Variants in OSBPL10 observed in about 807,000 individuals in gnomAD.
OSBPL10 encodes the protein oxysterol-binding protein-related protein 10.
Under a neutral mutation model 81.7 loss-of-function variants are expected in OSBPL10, and 49 were observed. The ratio of observed to expected loss-of-function variants is 0.60; its 90% CI spans 0.48 to 0.76. The LOEUF is 0.76. Among genes scored for constraint, OSBPL10 ranks in the 30% least tolerant of loss-of-function variants. The pLI is 0.00. For missense variants in OSBPL10, 923 were observed against 987.8 expected, an observed-to-expected ratio of 0.93 and a Z score of 0.88; for synonymous variants, 419 against 383.6, an observed-to-expected ratio of 1.09 and a Z score of -1.08.
intron 8 of OSBPL10, among the ~76,000 whole-genome samples, chr3:31,680,987 A>G (rs1345187672): frequency 7.0e-6 from 1 of 143,022 alleles, no homozygotes; most frequent in Non-Finnish European, 1.5e-5. Context: ...AGAGGAGGAT[A>G]ATACTCATTA....
intron 3 of OSBPL10, among the ~76,000 whole-genome samples, chr3:31,852,408 C>G (rs114110286): frequency 0.014 from 2,197 of 152,136 alleles, 44 homozygotes; most frequent in African/African-American, 0.05. Flanking sequence ...TATTATCCAG[C>G]CAAAAATGTC....
At chr3:31,695,489 T>A (rs1695690083) in intron 7 of OSBPL10, among the ~76,000 whole-genome samples, 1 of 152,128 alleles carries the variant, frequency 6.6e-6, no homozygotes, top group Non-Finnish European at 1.5e-5. Flanking sequence ...ACTCCCAGTA[T>A]AGAGTCCCTG....
intron 1 of OSBPL10, among the ~76,000 whole-genome samples, chr3:32,067,788 C>CGT (rs1024176888): frequency 1.3e-5 from 2 of 152,306 alleles, no homozygotes; most frequent in Non-Finnish European, 2.9e-5. Flanking sequence ...TATCCTGAAA[C>CGT]GTATGAGAAC....
rs548940522 is a variant in OSBPL10 at position 32,013,303 on chromosome 3, T to C, written n.298+33188A>G. 2.6e-3 allele frequency among the ~76,000 whole-genome samples: 398 copies of C among 152,104 alleles called. 2 individuals carry two copies. Among genetic ancestry groups the C allele is most frequent in the African/African-American group, 8.9e-3 (370 of 41,518 alleles). ...GGATTAAGAAACTCACTCAAAACCATTCAACTACATGGAAACTGAACAACC... is the reference window on the plus strand; with the variant it reads ...GGATTAAGAAACTCACTCAAAACCACTCAACTACATGGAAACTGAACAACC... On this transcript the variant is annotated intron_variant and non_coding_transcript_variant, in intron 2 of 3. Transcript: ENST00000479173.
chr3:31,688,542 T>C (rs1328899070), intron 7 of OSBPL10, among the ~76,000 whole-genome samples: 1 of 152,158 alleles, frequency 6.6e-6, no homozygotes, highest in Non-Finnish European at 1.5e-5. Context: ...TCTTAGTGGA[T>C]AGACACCTGA....
chr3:31,703,833 G>C (rs1002868029), intron 6 of OSBPL10: 6 of 152,202 alleles, frequency 3.9e-5, no homozygotes, highest in Non-Finnish European at 8.8e-5. Context: ...CAAAAGCTGA[G>C]TTTTCTTTTA....
chr3:31,934,820 T>A (rs1328053035), intron 1 of OSBPL10, among the ~76,000 whole-genome samples: 1 of 152,200 alleles, frequency 6.6e-6, no homozygotes, highest in Non-Finnish European at 1.5e-5. Flanking sequence ...CTGCTTACTA[T>A]ATATCACCCT....
chr3:31,842,664 T>C (rs1700527851), intron 3 of OSBPL10, among the ~76,000 whole-genome samples: 1 of 152,136 alleles, frequency 6.6e-6, no homozygotes, highest in South Asian at 2.1e-4. Context: ...TTTCTTCCTG[T>C]CCCCAGAGAC....
At chr3:31,922,496 T>A (rs969364645) in intron 1 of OSBPL10, among the ~76,000 whole-genome samples, 2 of 152,086 alleles carry the variant, frequency 1.3e-5, no homozygotes, top group African/African-American at 4.8e-5. Flanking sequence ...AGCGTGCTTG[T>A]AATCCCAGTT....
intron 1 of OSBPL10, among the ~76,000 whole-genome samples, chr3:31,907,354 C>T (rs1167679562): frequency 6.6e-6 from 1 of 151,988 alleles, no homozygotes; most frequent in Non-Finnish European, 1.5e-5. Flanking sequence ...TCTAGCTGGG[C>T]ACGGTGACTC....
intron 2 of OSBPL10, chr3:32,030,364 C>A (rs1485746993): frequency 3.6e-6 from 2 of 556,270 alleles, no homozygotes; most frequent in African/African-American, 3.8e-5. Flanking sequence ...CCACAAGAGG[C>A]ACCATGGCTA....
intron 6 of OSBPL10, among the ~76,000 whole-genome samples, chr3:31,717,742 C>T (rs1696491910): frequency 6.6e-6 from 1 of 152,196 alleles, no homozygotes; most frequent in Non-Finnish European, 1.5e-5. Context: ...TGAAATGATA[C>T]TCAGGATGTA....
intron 2 of OSBPL10, among the ~76,000 whole-genome samples, chr3:32,019,214 T>A (rs1183319916): frequency 6.6e-6 from 1 of 151,846 alleles, no homozygotes; most frequent in Non-Finnish European, 1.5e-5. Context: ...GGAGTGGGGG[T>A]GATGTCGTTT....
At chr3:31,892,680 G>A (rs28569451) in intron 1 of OSBPL10, among the ~76,000 whole-genome samples, 5,170 of 152,246 alleles carry the variant, frequency 0.034, 240 homozygotes, top group East Asian at 0.1. Flanking sequence ...CCGGTAGTTC[G>A]ACTGGGGCAG....
At chr3:31,695,017 G>C (rs1695670767) in intron 7 of OSBPL10, among the ~76,000 whole-genome samples, 1 of 152,146 alleles carries the variant, frequency 6.6e-6, no homozygotes, top group Non-Finnish European at 1.5e-5. Flanking sequence ...ACCTCCCAAA[G>C]TGCTGGAATT....
chr3:31,777,909 G>A (rs149200593), intron 4 of OSBPL10, among the ~76,000 whole-genome samples: 304 of 152,344 alleles, frequency 2.0e-3, no homozygotes, highest in African/African-American at 6.7e-3. Flanking sequence ...TGTCTCACAG[G>A]GGCACTTGGG....
At chr3:31,685,659 A>C (rs1700775489) in intron 7 of OSBPL10, among the ~76,000 whole-genome samples, 2 of 152,132 alleles carry the variant, frequency 1.3e-5, no homozygotes, top group South Asian at 4.1e-4. Context: ...GCTGGTTTAC[A>C]ATCTCTCTTT....
At chr3:31,825,675 T>C (rs1012799149) in intron 4 of OSBPL10, among the ~76,000 whole-genome samples, 6 of 152,192 alleles carry the variant, frequency 3.9e-5, no homozygotes, top group Non-Finnish European at 5.9e-5. Context: ...TATATTCCTT[T>C]TGGGGGCATT....
chr3:32,056,881 C>T (rs1699716731), intron 1 of OSBPL10, among the ~76,000 whole-genome samples: 1 of 152,180 alleles, frequency 6.6e-6, no homozygotes, highest in Admixed American at 6.5e-5. Flanking sequence ...ATACACAAGA[C>T]ACAGGTCATA....
Sources: gnomAD v4.1 joint callset for allele counts (sites outside exome capture counted in the v4.1 genomes callset) on GRCh38, gnomAD v4.1.1 for gene constraint, MANE v1.5 for transcripts, NCBI Gene and HGNC (gene_info 2026-07-23, HGNC 2026-07-21) for gene names.